The following DEPTOR variants were observed in gnomAD, a reference collection of about 807,000 sequenced individuals.
DEPTOR encodes DEP domain-containing mTOR-interacting protein.
DEPTOR carries 41 observed loss-of-function variants against 41.6 expected under a neutral mutation model. The observed-to-expected ratio is 0.98, with a 90% CI of 0.77 to 1.28. The LOEUF (loss-of-function observed/expected upper bound fraction) is 1.28. Ranked by LOEUF, DEPTOR falls within the 50% of genes most tolerant of loss-of-function variation. The pLI, the probability that DEPTOR is intolerant of heterozygous loss-of-function variation, is 0.00. For synonymous variants in DEPTOR, 195 were observed against 192.3 expected, an observed-to-expected ratio of 1.01 and a Z score of -0.12; for missense variants, 514 against 527.9, an observed-to-expected ratio of 0.97 and a Z score of 0.26.
At chr8:119,974,636 A>G (rs188280718) in intron 4 of DEPTOR, among the ~76,000 whole-genome samples, 4 of 152,144 alleles carry the variant, frequency 2.6e-5, no homozygotes, top group Admixed American at 2.6e-4. Flanking sequence ...GGCAGGCTTG[A>G]TGGTGTGTGC....
Position 120,001,520 on chromosome 8 carries a change from C to G in DEPTOR, c.605-5C>G. On this transcript the variant is annotated splice_polypyrimidine_tract_variant and splice_region_variant and intron_variant, in intron 4 of 8. Coordinates refer to ENST00000286234, the MANE Select transcript of DEPTOR (RefSeq NM_022783.4). ...CTCATTGGTTGTTTTTTTTTTTCTC[C>G]CCAGTGTCCAACAAGCACCCATTTG... The G allele has an allele frequency of 6.3e-7, 1 of 1,596,116 alleles. No homozygotes were observed. The highest frequency in any genetic ancestry group is 1.1e-5 in the South Asian group (1 of 88,308).
At chr8:119,913,725 G>C (rs1178206829) in intron 1 of DEPTOR, among the ~76,000 whole-genome samples, 1 of 152,154 alleles carries the variant, frequency 6.6e-6, no homozygotes, top group Non-Finnish European at 1.5e-5. Context: ...AGGAAGCTGA[G>C]GTCTTAGTTG....
chr8:120,028,324 A>G (rs1183558055), intron 8 of DEPTOR, among the ~76,000 whole-genome samples: 1 of 151,516 alleles, frequency 6.6e-6, no homozygotes, highest in Admixed American at 6.6e-5. Flanking sequence ...CCTGGCCTAA[A>G]TGATGTACTT....
intron 8 of DEPTOR, among the ~76,000 whole-genome samples, chr8:120,021,445 C>T (rs1382136987): frequency 6.6e-6 from 1 of 152,092 alleles, no homozygotes; most frequent in African/African-American, 2.4e-5. Context: ...TGTGTCCTAG[C>T]TCAGTAGCTG....
chr8:119,951,072 AACAC>A (rs35455263), intron 3 of DEPTOR, among the ~76,000 whole-genome samples: 8 of 141,518 alleles, frequency 5.7e-5, no homozygotes, highest in South Asian at 4.5e-4. Context: ...CACACACACA[AACAC>A]ACACACACAC....
chr8:119,957,628 G>A (rs1254114870), intron 3 of DEPTOR, among the ~76,000 whole-genome samples: 7 of 142,748 alleles, frequency 4.9e-5, no homozygotes, highest in African/African-American at 1.6e-4. Flanking sequence ...TTGCTCTGTC[G>A]CCCAGGCTGG....
At chr8:119,948,652 A>G (rs1485834379) in intron 3 of DEPTOR, among the ~76,000 whole-genome samples, 2 of 152,024 alleles carry the variant, frequency 1.3e-5, no homozygotes, top group Non-Finnish European at 2.9e-5. Flanking sequence ...ATTTCAGAGC[A>G]TTTTCATCAC....
intron 3 of DEPTOR, among the ~76,000 whole-genome samples, chr8:119,934,223 T>G (rs186647089): frequency 6.6e-6 from 1 of 152,346 alleles, no homozygotes; most frequent in East Asian, 1.9e-4. Flanking sequence ...TTTCTCAGTC[T>G]GCTCGTTGGT....
rs184248064 is a variant in DEPTOR, at chr8:119,886,223, G to A, written c.122+12255G>A. Among the ~76,000 whole-genome samples, 8 of 152,104 alleles carry A rather than the reference G, an allele frequency of 5.3e-5. No homozygotes were observed. In the East Asian group the frequency reaches 1.5e-3, roughly 29 times the overall value. ...TCCTTCATGTGCCAGCTCTTTTATT[G>A]GTTGGCTTCATCTTCCAGCCAGTGG... is the stretch of plus-strand genomic sequence containing the variant. On this transcript the variant is annotated intron_variant, in intron 1 of 8. Transcript: ENST00000286234.
chr8:119,952,106 A>G (rs970103863), intron 3 of DEPTOR, among the ~76,000 whole-genome samples: 5 of 152,128 alleles, frequency 3.3e-5, no homozygotes, highest in African/African-American at 1.2e-4. Context: ...ACTGCCCTCC[A>G]ACCTGGGCGA....
At chr8:120,025,208 G>A (rs114363519) in intron 8 of DEPTOR, among the ~76,000 whole-genome samples, 61 of 152,306 alleles carry the variant, frequency 4.0e-4, no homozygotes, top group South Asian at 2.9e-3. Flanking sequence ...TGGCAGGAAC[G>A]TTACTGGGTA....
chr8:119,926,825 A>G (rs571137410), intron 1 of DEPTOR, among the ~76,000 whole-genome samples: 40 of 152,274 alleles, frequency 2.6e-4, no homozygotes, highest in Non-Finnish European at 4.4e-4. Flanking sequence ...ATATTTGCAG[A>G]TGGTAGAACA....
chr8:120,021,530 T>G (rs573592845), intron 8 of DEPTOR, among the ~76,000 whole-genome samples: 1 of 152,288 alleles, frequency 6.6e-6, no homozygotes, highest in East Asian at 1.9e-4. Context: ...TTACTCAGAG[T>G]CTTCTGGCTG....
chr8:119,907,073 C>T (rs1033134010), intron 1 of DEPTOR, among the ~76,000 whole-genome samples: 2 of 152,086 alleles, frequency 1.3e-5, no homozygotes, highest in Admixed American at 6.6e-5. Context: ...GATTACAACA[C>T]CAAAAGCATA....
intron 1 of DEPTOR, among the ~76,000 whole-genome samples, chr8:119,877,153 A>T (rs1182486171): frequency 1.3e-5 from 2 of 152,180 alleles, no homozygotes; most frequent in Non-Finnish European, 2.9e-5. Flanking sequence ...ACACTTCTTC[A>T]GGAGCTCTGT....
chr8:119,956,198 G>T (rs1771632349), intron 3 of DEPTOR, among the ~76,000 whole-genome samples: 1 of 152,208 alleles, frequency 6.6e-6, no homozygotes, highest in African/African-American at 2.4e-5. Context: ...ATTGCAACAA[G>T]TAGTAAGTCA....
At chr8:119,931,277 G>A (rs1828040790) in intron 3 of DEPTOR, among the ~76,000 whole-genome samples, 1 of 152,100 alleles carries the variant, frequency 6.6e-6, no homozygotes, top group Non-Finnish European at 1.5e-5. Flanking sequence ...TTGGGGGTAA[G>A]GGTCTGGGTG....
At chr8:119,932,086 A>C (rs1034698470) in intron 3 of DEPTOR, among the ~76,000 whole-genome samples, 6 of 151,430 alleles carry the variant, frequency 4.0e-5, no homozygotes, top group African/African-American at 1.5e-4. Flanking sequence ...GGCTCAAGTG[A>C]TCCTCCTGCC....
chr8:120,019,287 A>T (rs569988112), intron 8 of DEPTOR, among the ~76,000 whole-genome samples: 3 of 152,318 alleles, frequency 2.0e-5, no homozygotes, highest in East Asian at 1.9e-4. Context: ...CCTGGGCAAC[A>T]AAGTGAGACT....
Sources: gnomAD v4.1 joint callset for allele counts (sites outside exome capture counted in the v4.1 genomes callset) on GRCh38, gnomAD v4.1.1 for gene constraint, MANE v1.5 for transcripts, NCBI Gene and HGNC (gene_info 2026-07-23, HGNC 2026-07-21) for gene names.